UST: variants seen among roughly 807,000 people sequenced by gnomAD.
UST encodes the protein chondroitin sulfate 2-O-sulfotransferase.
UST carries 21 observed loss-of-function variants against 45.6 expected under a neutral mutation model. The observed-to-expected ratio is 0.46, with a 90% CI of 0.33 to 0.66. The LOEUF is 0.66. Among genes scored for constraint, UST ranks in the 30% least tolerant of loss-of-function variants. The pLI, the probability that UST is intolerant of heterozygous loss-of-function variation, is 0.02. For missense variants in UST, 463 were observed against 512.4 expected (o/e 0.90, Z 0.93); for synonymous variants, 215 against 200.6 (o/e 1.07, Z -0.61).
intron 7 of UST, among the ~76,000 whole-genome samples, chr6:149,059,661 C>T (rs1169934735): frequency 6.6e-6 from 1 of 152,130 alleles, no homozygotes; most frequent in Non-Finnish European, 1.5e-5. Context: ...TGAGCTTAGT[C>T]GGTGCTCAGT....
chr6:148,956,170 G>T (rs1306026787), intron 4 of UST: 2 of 152,248 alleles, frequency 1.3e-5, no homozygotes, highest in African/African-American at 4.8e-5. Flanking sequence ...AACAAGGACA[G>T]TTCTCAGTCA....
intron 6 of UST, among the ~76,000 whole-genome samples, 197 bp downstream of exon 6, chr6:149,019,433 G>C (rs945100432): frequency 1.3e-5 from 2 of 151,996 alleles, no homozygotes; most frequent in African/African-American, 2.4e-5. Flanking sequence ...TAAAAATCAG[G>C]GTCTGTAGAG....
At chr6:149,068,889 C>T (rs545240698) in intron 7 of UST, among the ~76,000 whole-genome samples, 18 of 152,280 alleles carry the variant, frequency 1.2e-4, no homozygotes, top group Admixed American at 3.3e-4. Context: ...CTCTTCAGCC[C>T]GCTCTCCAAC....
At chr6:148,914,304 G>A (rs762922840) in intron 2 of UST, among the ~76,000 whole-genome samples, 4 of 147,226 alleles carry the variant, frequency 2.7e-5, no homozygotes, top group African/African-American at 7.5e-5. Flanking sequence ...CCCGAAACTC[G>A]ATTCTACCTT....
chr6:148,875,758 C>T (rs994254207), intron 1 of UST, among the ~76,000 whole-genome samples: 3 of 152,210 alleles, frequency 2.0e-5, no homozygotes, highest in Non-Finnish European at 2.9e-5. Flanking sequence ...CAGCCGAGAT[C>T]GCACCACTGC....
intron 2 of UST, among the ~76,000 whole-genome samples, chr6:148,894,903 C>T (rs572956989): frequency 3.0e-4 from 45 of 150,510 alleles, no homozygotes; most frequent in East Asian, 5.9e-4. Flanking sequence ...CTGCAACCTC[C>T]GCCTCCCGGA....
chr6:148,763,059 G>A (rs182735232), intron 1 of UST, among the ~76,000 whole-genome samples: 1 of 152,288 alleles, frequency 6.6e-6, no homozygotes, highest in Admixed American at 6.5e-5. Flanking sequence ...TCGATTTTTA[G>A]TTCTTTGAGA....
intron 5 of UST, among the ~76,000 whole-genome samples, chr6:148,989,216 C>G (rs57896467): frequency 1.2e-5 from 1 of 85,116 alleles, no homozygotes; most frequent in Non-Finnish European, 2.6e-5. Context: ...AAGGCCCCCC[C>G]CCACCCCCCG....
chr6:148,956,360 CT>C (rs1041168241), intron 4 of UST, among the ~76,000 whole-genome samples: 5 of 136,010 alleles, frequency 3.7e-5, no homozygotes, highest in Admixed American at 7.9e-5. Flanking sequence ...TCGAAAGGCA[CT>C]TCTTACATGG....
chr6:148,815,990 G>C (rs1777346991), intron 1 of UST, among the ~76,000 whole-genome samples: 1 of 152,148 alleles, frequency 6.6e-6, no homozygotes, highest in Non-Finnish European at 1.5e-5. Flanking sequence ...ATGAGCTACA[G>C]ACCTGATGTG....
intron 1 of UST, among the ~76,000 whole-genome samples, chr6:148,808,327 A>G (rs1777190024): frequency 6.6e-6 from 1 of 152,098 alleles, no homozygotes; most frequent in Non-Finnish European, 1.5e-5. Flanking sequence ...CTCATAGGCG[A>G]ATGTTTTCCT....
chr6:148,878,047 G>C (rs1475706693), intron 1 of UST, among the ~76,000 whole-genome samples: 5 of 130,242 alleles, frequency 3.8e-5, no homozygotes, highest in South Asian at 2.7e-4. Context: ...TGTATGAGTG[G>C]GGGGTTCGTG....
chr6:148,749,363 A>G (rs956330304), intron 1 of UST, among the ~76,000 whole-genome samples: 7 of 152,210 alleles, frequency 4.6e-5, no homozygotes, highest in African/African-American at 1.7e-4. Context: ...GTCTTTCTCC[A>G]TTAAATCTGA....
At chr6:148,902,499 G>A in intron 2 of UST, among the ~76,000 whole-genome samples, 1 of 151,824 alleles carries the variant, frequency 6.6e-6, no homozygotes, top group Non-Finnish European at 1.5e-5. Context: ...GCCTCCCAAA[G>A]TGCTAGGATT....
chr6:148,918,788 CT>C (rs1779641695), intron 2 of UST, among the ~76,000 whole-genome samples: 1 of 152,084 alleles, frequency 6.6e-6, no homozygotes, highest in Admixed American at 6.6e-5. Flanking sequence ...ATCCTTTTTT[CT>C]TTACTTTCCT....
At chr6:149,021,563 A>G (rs1775982074) in intron 7 of UST, 82 bp downstream of exon 7, 1 of 1,492,370 alleles carries the variant, frequency 6.7e-7, no homozygotes. Context: ...TCAGGAAATA[A>G]AGGAGTGAAA....
At chr6:148,921,274 A>C (rs956517142) in intron 2 of UST, among the ~76,000 whole-genome samples, 7 of 152,212 alleles carry the variant, frequency 4.6e-5, no homozygotes, top group African/African-American at 1.2e-4. Context: ...GATTAAATAC[A>C]TACAGATTAA....
At chr6:148,869,262 C>G (rs1005051465) in intron 1 of UST, among the ~76,000 whole-genome samples, 3 of 152,128 alleles carry the variant, frequency 2.0e-5, no homozygotes, top group Non-Finnish European at 4.4e-5. Context: ...TCTGGGAATC[C>G]TTGTTTATCT....
chr6:149,064,449 A>G (rs762087796), intron 7 of UST, among the ~76,000 whole-genome samples: 5 of 152,224 alleles, frequency 3.3e-5, no homozygotes, highest in Non-Finnish European at 7.3e-5. Context: ...GCACAGAGAA[A>G]GCTCTCAAAG....
Sources: allele counts gnomAD v4.1 joint callset (sites outside exome capture counted in the v4.1 genomes callset), GRCh38; gene constraint gnomAD v4.1.1; transcripts MANE v1.5; gene names NCBI Gene and HGNC (gene_info 2026-07-23, HGNC 2026-07-21).